TDRP: variants seen among roughly 807,000 people sequenced by gnomAD.
TDRP encodes testis development-related protein.
A neutral mutation model predicts 10.5 loss-of-function variants in TDRP; 12 were observed. The observed-to-expected ratio is 1.15, with a 90% CI of 0.73 to 1.86. TDRP has a LOEUF of 1.86. Ranked by LOEUF, TDRP falls within the 40% of genes most tolerant of loss-of-function variation. TDRP has a pLI of 0.00. For synonymous variants in TDRP, 139 were observed against 95.4 expected (o/e 1.46, Z -2.67); for missense variants, 353 against 229.2 (o/e 1.54, Z -3.49).
intron 1 of TDRP, among the ~76,000 whole-genome samples, chr8:513,086 T>G (rs1436602327): frequency 6.8e-6 from 1 of 146,742 alleles, no homozygotes; most frequent in Non-Finnish European, 1.5e-5. Context: ...TTTAAAGAAT[T>G]AATACCAATT....
chr8:505,270 T>G (rs1174846057), intron 1 of TDRP, among the ~76,000 whole-genome samples: 1 of 152,196 alleles, frequency 6.6e-6, no homozygotes, highest in Admixed American at 6.5e-5. Context: ...ATTCCGTAAG[T>G]GCATTAACTG....
At chr8:524,727 T>C (rs1180208165) in intron 1 of TDRP, among the ~76,000 whole-genome samples, 4 of 152,128 alleles carry the variant, frequency 2.6e-5, no homozygotes, top group Admixed American at 6.5e-5. Flanking sequence ...GAATTAGTGA[T>C]CTTGAAGACA....
chr8:493,990 G>GTTTTTTTTTT (rs1303603080), intron 2 of TDRP, among the ~76,000 whole-genome samples: 1 of 80,036 alleles, frequency 1.2e-5, no homozygotes, highest in Non-Finnish European at 2.4e-5. Context: ...ACTCATTTCT[G>GTTTTTTTTTT]TTGTTTTTTT....
At position 490,334 on chromosome 8, in the gene TDRP, G is replaced by A. The variant is rs1259458622; in HGVS notation, c.*2065C>T. The A allele has an allele frequency of 6.6e-6, 1 of 151,504 alleles. No individual in the cohort carries two copies. Among genetic ancestry groups the A allele is most frequent in the Non-Finnish European group, 1.5e-5 (1 of 68,034 alleles). 9.4% of individuals were successfully genotyped at this position (151,504 alleles called of 1,614,324 possible). On this transcript the variant is annotated 3_prime_UTR_variant, in exon 3 of 3. Transcript: ENST00000324079. Reference sequence around the variant, plus strand: ...AGTGCATATTCCAATCCCAATCTGGGTTTGTCCTCAAATTTTGAGAAATAG... The same window carrying A: ...AGTGCATATTCCAATCCCAATCTGGATTTGTCCTCAAATTTTGAGAAATAG...
intron 1 of TDRP, among the ~76,000 whole-genome samples, chr8:505,427 TTC>T (rs1801433243): frequency 6.6e-6 from 1 of 152,246 alleles, no homozygotes; most frequent in Non-Finnish European, 1.5e-5. Context: ...AAAATTTCTC[TTC>T]TGTTTTTATA....
At chr8:539,828 G>C (rs1802445973) in intron 1 of TDRP, among the ~76,000 whole-genome samples, 1 of 152,132 alleles carries the variant, frequency 6.6e-6, no homozygotes, top group South Asian at 2.1e-4. Context: ...ATAAAAGTGT[G>C]ACTTTGTGTC....
chr8:532,843 TCGTTCATTTACAAGTTG>T (rs370321992), intron 1 of TDRP, among the ~76,000 whole-genome samples: 54,487 of 151,760 alleles, frequency 0.36, 11,946 homozygotes, highest in Non-Finnish European at 0.48. Flanking sequence ...CCAGCCACGA[TCGTTCATTTACAAGTTG>T]CCTACGGCTG....
intron 1 of TDRP, among the ~76,000 whole-genome samples, chr8:496,805 G>C (rs1801149275): frequency 6.6e-6 from 1 of 152,166 alleles, no homozygotes; most frequent in Non-Finnish European, 1.5e-5. Flanking sequence ...CTGGATCATG[G>C]GGGCAGATTT....
intron 2 of TDRP, among the ~76,000 whole-genome samples, chr8:493,033 T>A (rs184681224): frequency 6.6e-6 from 1 of 152,158 alleles, no homozygotes. Context: ...CTCAAGGCAA[T>A]AGGAAGGTGG....
At chr8:519,611 G>A (rs932004912) in intron 1 of TDRP, among the ~76,000 whole-genome samples, 3 of 152,066 alleles carry the variant, frequency 2.0e-5, no homozygotes, top group South Asian at 4.2e-4. Context: ...CCACCATTCT[G>A]CTTTCTCTAA....
chr8:544,734 T>TCGGCCC lies in TDRP; in HGVS notation c.18_23dup (p.Gly7_Arg8dup). On this transcript the variant is annotated inframe_insertion, in exon 1 of 3. Coordinates refer to ENST00000324079, the MANE Select transcript of TDRP (RefSeq NM_001384899.1). Reference sequence around the variant, plus strand: ...CCTCGGGGGGCTCGTCCAGCAGCACTCGGCCCCGGCCCAGCTTCCACATGG... The same window carrying TCGGCCC: ...CCTCGGGGGGCTCGTCCAGCAGCACTCGGCCCCGGCCCCGGCCCAGCTTCCACATGG... 3.2e-6 allele frequency: 4 copies of TCGGCCC among 1,241,322 alleles called. No individual in the cohort carries two copies. The highest frequency in any genetic ancestry group is 4.0e-6 in the Non-Finnish European group (4 of 991,440). 76.9% of individuals were successfully genotyped at this position (1,241,322 alleles called of 1,614,324 possible). A position where few individuals can be genotyped will look rare whatever the true frequency, so the allele number is the denominator to read the frequency against.
Position 492,273 on chromosome 8 carries a change from G to A in TDRP, c.*126C>T, listed in dbSNP as rs780993869. 18 of 1,337,490 alleles carry A rather than the reference G, an allele frequency of 1.3e-5. No individual in the cohort carries two copies. Among genetic ancestry groups the A allele is most frequent in the East Asian group, 8.2e-5 (3 of 36,554 alleles). The allele number at this position is 1,337,490 out of a possible 1,614,324, so 82.9% of individuals were successfully genotyped here. A position where few individuals can be genotyped will look rare whatever the true frequency, so the allele number is the denominator to read the frequency against. On this transcript the variant is annotated 3_prime_UTR_variant, in exon 3 of 3. Transcript: ENST00000324079. ...GAGTTCATTAAATAAAGAAACAGAG[G>A]TCCAAATATCAAATATAGGCAAAAA...
chr8:513,307 G>C (rs980837861), intron 1 of TDRP, among the ~76,000 whole-genome samples: 1 of 151,834 alleles, frequency 6.6e-6, no homozygotes, highest in African/African-American at 2.4e-5. Flanking sequence ...AAAATGAAAA[G>C]AATTATGTAC....
intron 1 of TDRP, among the ~76,000 whole-genome samples, chr8:537,100 T>G (rs912167459): frequency 1.3e-5 from 2 of 152,158 alleles, no homozygotes; most frequent in African/African-American, 4.8e-5. Flanking sequence ...ATTCTGCAGC[T>G]CCCATCAGGT....
rs1801001498 is a variant in TDRP, at chr8:492,347, G to A, written c.*52C>T. On this transcript the variant is annotated 3_prime_UTR_variant, in exon 3 of 3. Transcript: ENST00000324079. ...GCGGAAAAGACTCAACAACTACATG[G>A]TATACTCATAAAAGGCCACCATGTC... The A allele has an allele frequency of 6.9e-7, 1 of 1,441,272 alleles. No homozygotes were observed. Among genetic ancestry groups the A allele is most frequent in the African/African-American group, 1.4e-5 (1 of 69,674 alleles). The allele number at this position is 1,441,272 out of a possible 1,614,324, so 89.3% of individuals were successfully genotyped here. A position where few individuals can be genotyped will look rare whatever the true frequency, so the allele number is the denominator to read the frequency against.
intron 1 of TDRP, among the ~76,000 whole-genome samples, chr8:513,775 G>C (rs186118473): frequency 2.6e-5 from 4 of 152,292 alleles, no homozygotes; most frequent in African/African-American, 7.2e-5. Context: ...ACCTATGTTA[G>C]AACTAATAAA....
chr8:504,578 C>G (rs893291519), intron 1 of TDRP, among the ~76,000 whole-genome samples: 1 of 152,188 alleles, frequency 6.6e-6, no homozygotes, highest in African/African-American at 2.4e-5. Context: ...GATTCGCAGA[C>G]AGTGCAAACC....
At chr8:503,810 G>C (rs1317796358) in intron 1 of TDRP, among the ~76,000 whole-genome samples, 1 of 120,724 alleles carries the variant, frequency 8.3e-6, no homozygotes, top group Non-Finnish European at 1.8e-5. Flanking sequence ...CTCAGCACGC[G>C]TCAATATGGA....
intron 1 of TDRP, among the ~76,000 whole-genome samples, chr8:535,212 G>A (rs1201516576): frequency 6.6e-6 from 1 of 152,094 alleles, no homozygotes; most frequent in African/African-American, 2.4e-5. Flanking sequence ...ATTCAAACTG[G>A]TCTGCGGGCT....
Sources: gnomAD v4.1 joint callset for allele counts (sites outside exome capture counted in the v4.1 genomes callset) on GRCh38, gnomAD v4.1.1 for gene constraint, MANE v1.5 for transcripts, NCBI Gene and HGNC (gene_info 2026-07-23, HGNC 2026-07-21) for gene names.